SLC38A6: variants seen among roughly 807,000 people sequenced by gnomAD.
SLC38A6 encodes the protein N system amino acid transporter NAT-1.
Under a neutral mutation model 65.0 loss-of-function variants are expected in SLC38A6, and 73 were observed. The ratio of observed to expected loss-of-function variants is 1.12; its 90% CI spans 0.93 to 1.37. The LOEUF (loss-of-function observed/expected upper bound fraction) is 1.37, where lower values mean the gene tolerates loss of function less well. Among genes scored for constraint, SLC38A6 ranks in the 40% most tolerant of loss-of-function variants. The pLI, the probability that SLC38A6 is intolerant of heterozygous loss-of-function variation, is 0.00. For missense variants in SLC38A6, 561 were observed against 531.1 expected, an observed-to-expected ratio of 1.06 and a Z score of -0.55; for synonymous variants, 183 against 178.8, an observed-to-expected ratio of 1.02 and a Z score of -0.19.
intron 3 of SLC38A6, among the ~76,000 whole-genome samples, chr14:61,002,929 T>A (rs2038810306): frequency 6.6e-6 from 1 of 152,160 alleles, no homozygotes; most frequent in African/African-American, 2.4e-5. Context: ...TCCTGTTCTG[T>A]AGGAATATGC....
chr14:60,991,966 A>G (rs73311494), intron 3 of SLC38A6, among the ~76,000 whole-genome samples: 108 of 152,320 alleles, frequency 7.1e-4, no homozygotes, highest in African/African-American at 2.6e-3. Flanking sequence ...CCCGATGGCC[A>G]TACTAAATTG....
At chr14:60,987,050 A>C (rs1322534555) in intron 3 of SLC38A6, 2 of 418,002 alleles carry the variant, frequency 4.8e-6, no homozygotes, top group African/African-American at 4.2e-5. Flanking sequence ...TGATTTCTGT[A>C]GCCTACTTGG....
At chr14:61,009,090 G>A (rs1595052972) in intron 3 of SLC38A6, among the ~76,000 whole-genome samples, 1 of 152,110 alleles carries the variant, frequency 6.6e-6, no homozygotes, top group Admixed American at 6.6e-5. Flanking sequence ...AAGAAAAAAA[G>A]GTTACTTCTT....
At chr14:61,003,849 A>G (rs1195489675) in intron 3 of SLC38A6, among the ~76,000 whole-genome samples, 1 of 152,194 alleles carries the variant, frequency 6.6e-6, no homozygotes, top group Non-Finnish European at 1.5e-5. Flanking sequence ...AGTGACAGAA[A>G]GGAATGACTA....
intron 15 of SLC38A6, among the ~76,000 whole-genome samples, chr14:61,064,856 A>C (rs2042971804): frequency 6.6e-6 from 1 of 152,142 alleles, no homozygotes; most frequent in African/African-American, 2.4e-5. Flanking sequence ...CCAAGACTAT[A>C]AATTACTTTC....
chr14:61,011,562 C>A (rs1024170461), intron 3 of SLC38A6, among the ~76,000 whole-genome samples: 13 of 152,224 alleles, frequency 8.5e-5, no homozygotes, highest in African/African-American at 3.1e-4. Flanking sequence ...CCCATCAATA[C>A]CTAATTTATT....
intron 15 of SLC38A6, among the ~76,000 whole-genome samples, chr14:61,077,119 T>C (rs922605586): frequency 2.2e-4 from 34 of 152,340 alleles, no homozygotes; most frequent in African/African-American, 7.9e-4. Flanking sequence ...GATATTAAAC[T>C]TGCCACTTTC....
intron 15 of SLC38A6, among the ~76,000 whole-genome samples, chr14:61,070,776 G>C (rs1005467975): frequency 6.6e-6 from 1 of 152,150 alleles, no homozygotes; most frequent in African/African-American, 2.4e-5. Context: ...ATATCTCATT[G>C]TGGTTTTGTT....
intron 3 of SLC38A6, among the ~76,000 whole-genome samples, chr14:61,014,700 A>G (rs2139524015): frequency 2.0e-5 from 3 of 152,222 alleles, no homozygotes; most frequent in Middle Eastern, 6.8e-3. Flanking sequence ...AGAACAGCGG[A>G]TATTGGTGAA....
At chr14:61,008,624 A>G (rs1469342865) in intron 3 of SLC38A6, among the ~76,000 whole-genome samples, 1 of 152,206 alleles carries the variant, frequency 6.6e-6, no homozygotes, top group Non-Finnish European at 1.5e-5. Context: ...ATAAAGCTAT[A>G]TGATCTAAAG....
chr14:61,043,483 C>T lies in SLC38A6; in HGVS notation c.724C>T (p.Leu242Phe). 1.2e-6 allele frequency: 2 copies of T among 1,607,958 alleles called. No individual in the cohort carries two copies. The highest frequency in any genetic ancestry group is 1.7e-6 in the Non-Finnish European group (2 of 1,177,612). ...SNVTDDCKPK[L>F]FHFSKESAYA... ...TGTTACAGATGATTGTAAGCCAAAG[C>T]TCTTTCATTTCTCCAAAGAGGTGTG... The change falls in exon 10 of 16, where the codon CTC becomes TTC. Residue 242 changes from leucine to phenylalanine, a missense_variant. Transcript: ENST00000267488.
chr14:61,053,806 T>C (rs552675646), downstream of SLC38A6, among the ~76,000 whole-genome samples: 3 of 152,142 alleles, frequency 2.0e-5, no homozygotes, highest in Middle Eastern at 3.2e-3. Context: ...GGATGTATAG[T>C]TTGCACATAT....
At chr14:61,061,501 T>C (rs189472731) in intron 15 of SLC38A6, among the ~76,000 whole-genome samples, 174 of 152,302 alleles carry the variant, frequency 1.1e-3, no homozygotes, top group Admixed American at 2.6e-3. Flanking sequence ...GTAGTTTCTG[T>C]AGGAATAGTA....
intron 15 of SLC38A6, among the ~76,000 whole-genome samples, chr14:61,061,629 C>T (rs75466442): frequency 0.023 from 3,474 of 152,232 alleles, 135 homozygotes; most frequent in African/African-American, 0.08. Context: ...TGCCTTATTT[C>T]GTTTAGAAAT....
At position 61,052,469 on chromosome 14, in the gene SLC38A6, C is replaced by G. The variant is rs1448935025; in HGVS notation, c.*40C>G. 2 of 1,523,722 alleles carry G rather than the reference C, an allele frequency of 1.3e-6. No homozygotes were observed. Among genetic ancestry groups the G allele is most frequent in the Admixed American group, 2.3e-5 (1 of 43,180 alleles). The allele number at this position is 1,523,722 out of a possible 1,614,324, so 94.4% of individuals were successfully genotyped here. The stretch of plus-strand genomic sequence containing the variant: ...TACTTCTTACAAGAATAATATACCC[C>G]TAGTTGCAAGAATGAATTATTCCGG... On this transcript the variant is annotated 3_prime_UTR_variant, in exon 16 of 16. Transcript: ENST00000267488.
At chr14:61,015,145 A>G (rs999373406) in intron 3 of SLC38A6, among the ~76,000 whole-genome samples, 2 of 152,144 alleles carry the variant, frequency 1.3e-5, no homozygotes, top group Non-Finnish European at 2.9e-5. Context: ...TGTGCTAGCA[A>G]TGAGCGAGGC....
chr14:61,032,841 A>T (rs2041094344), intron 6 of SLC38A6, among the ~76,000 whole-genome samples: 1 of 151,888 alleles, frequency 6.6e-6, no homozygotes. Context: ...CATGATATTG[A>T]TAAGCTTTTA....
At chr14:61,045,293 T>C in intron 10 of SLC38A6, 53 bp from the exon 11 acceptor site, 1 of 1,124,316 alleles carries the variant, frequency 8.9e-7, no homozygotes. Context: ...AATGAAATAA[T>C]GGTTTCAGTA....
intron 2 of SLC38A6, 44 bp from the exon 3 acceptor site, chr14:60,984,686 C>T (rs2037322607): frequency 1.9e-6 from 3 of 1,584,438 alleles, no homozygotes; most frequent in Middle Eastern, 1.7e-4. Flanking sequence ...ATACAAAAGA[C>T]AAACTTTTGG....
Sources: allele counts gnomAD v4.1 joint callset (sites outside exome capture counted in the v4.1 genomes callset), GRCh38; gene constraint gnomAD v4.1.1; transcripts MANE v1.5; gene names NCBI Gene and HGNC (gene_info 2026-07-23, HGNC 2026-07-21).